The following HMCN1 variants were observed in gnomAD, a reference collection of about 807,000 sequenced individuals.
The protein encoded by HMCN1 is hemicentin 1, also known as hemicentin-1.
In HMCN1, 321 loss-of-function variants were observed where a neutral mutation model predicts 625.9. That is an observed-to-expected ratio of 0.51 (90% CI 0.47 to 0.56). The LOEUF (loss-of-function observed/expected upper bound fraction) is 0.56, where lower values mean the gene tolerates loss of function less well. Among genes scored for constraint, HMCN1 ranks in the 20% least tolerant of loss-of-function variants. The probability of loss-of-function intolerance (pLI) is 0.00; values close to 1 mark genes in which losing one functional copy is unlikely to be tolerated. For synonymous variants in HMCN1, 2,425 were observed against 2,417.6 expected (o/e 1.00, Z -0.09); for missense variants, 6,588 against 6,887.3 (o/e 0.96, Z 1.54).
In HMCN1 at chr1:186,190,333, G is replaced by T; in HGVS notation, c.*455G>T. On this transcript the variant is annotated 3_prime_UTR_variant, in exon 107 of 107. Coordinates refer to ENST00000271588, the MANE Select transcript of HMCN1 (RefSeq NM_031935.3). ...GATCAAAGCTTATAAAATAACTTAC[G>T]GAGATTTTTGTAAGTATTGATACAT... The T allele has an allele frequency of 4.7e-6, 1 of 213,452 alleles. No homozygotes were observed. The highest frequency in any genetic ancestry group is 2.3e-5 in the African/African-American group (1 of 43,544). The allele number at this position is 213,452 out of a possible 1,614,324, so 13.2% of individuals were successfully genotyped here.
chr1:185,882,094 C>T (rs887506881), intron 4 of HMCN1, among the ~76,000 whole-genome samples: 1 of 152,104 alleles, frequency 6.6e-6, no homozygotes, highest in Non-Finnish European at 1.5e-5. Flanking sequence ...GAAGATCTAT[C>T]AGAGTTAATG....
chr1:186,035,958 T>G (rs1034312379), intron 36 of HMCN1, among the ~76,000 whole-genome samples: 2 of 152,194 alleles, frequency 1.3e-5, no homozygotes, highest in Non-Finnish European at 2.9e-5. Context: ...GGAGGACATA[T>G]TAAAATATGC....
chr1:186,177,954 A>G (rs528929685), intron 103 of HMCN1, among the ~76,000 whole-genome samples: 1 of 152,296 alleles, frequency 6.6e-6, no homozygotes, highest in Admixed American at 6.5e-5. Context: ...TTGAACTAAG[A>G]AAGCTTAGTG....
At chr1:186,174,451 T>TC in intron 102 of HMCN1, 63 bp from the exon 103 acceptor site, 1 of 1,595,360 alleles carries the variant, frequency 6.3e-7, no homozygotes, top group Non-Finnish European at 8.6e-7. Context: ...ATGCTGACTT[T>TC]AAATACAATG....
chr1:185,955,135 C>G (rs112652359), intron 11 of HMCN1, among the ~76,000 whole-genome samples: 7 of 152,256 alleles, frequency 4.6e-5, no homozygotes, highest in Non-Finnish European at 8.8e-5. Flanking sequence ...TTAGAATCCT[C>G]TTTTTATGGA....
At chr1:185,762,645 G>T (rs1427266340) in intron 1 of HMCN1, among the ~76,000 whole-genome samples, 1 of 152,130 alleles carries the variant, frequency 6.6e-6, no homozygotes, top group African/African-American at 2.4e-5. Context: ...TAGGATAGAT[G>T]AATTTCAGCA....
chr1:185,918,912 G>A (rs1280441386), intron 6 of HMCN1, among the ~76,000 whole-genome samples: 1 of 152,012 alleles, frequency 6.6e-6, no homozygotes, highest in Non-Finnish European at 1.5e-5. Flanking sequence ...TGAGGTTAGG[G>A]TAACTCTGCA....
In HMCN1 at chr1:185,911,712, T is replaced by G; in HGVS notation, c.832T>G (p.Leu278Val). The G allele has an allele frequency of 6.2e-7, 1 of 1,613,582 alleles. No individual in the cohort carries two copies. The highest frequency in any genetic ancestry group is 8.5e-7 in the Non-Finnish European group (1 of 1,179,590). The change falls in exon 6 of 107, where the codon TTA becomes GTA. Residue 278 changes from leucine (L) to valine (V), a missense_variant. Physicochemically the swap from Leu to Val is conservative, Grantham distance 32. Coordinates refer to ENST00000271588, the MANE Select transcript of HMCN1 (RefSeq NM_031935.3). Reference protein sequence around the residue: ...IKKGFGLHELLNIHNSAKVVN... With the variant: ...IKKGFGLHELVNIHNSAKVVN... ...AAAGGGATTTGGCCTGCATGAGCTATTAAATATCCATAACTCTGCCAAAGT... is the reference window on the plus strand; with the variant it reads ...AAAGGGATTTGGCCTGCATGAGCTAGTAAATATCCATAACTCTGCCAAAGT...
Position 186,117,447 on chromosome 1 carries a change from TTG to T in HMCN1, c.11684-10_11684-9del. 6.2e-7 allele frequency: 1 copy of T among 1,613,180 alleles called. No individual in the cohort carries two copies. Among genetic ancestry groups the T allele is most frequent in the African/African-American group, 1.3e-5 (1 of 75,016 alleles). On this transcript the variant is annotated splice_polypyrimidine_tract_variant and intron_variant, in intron 76 of 106. Transcript: ENST00000271588. ...GTAGTTTTTTCCCTTTTTGTTGTTG[TTG>T]TTGTTTTAGTTCCACCTTCCATAGC...
At chr1:186,076,660 C>T (rs768693765) in intron 54 of HMCN1, 38 bp downstream of exon 54, 1 of 1,580,740 alleles carries the variant, frequency 6.3e-7, no homozygotes, top group Admixed American at 1.7e-5. Context: ...AGCTGACTCT[C>T]TGCCAAATGT....
intron 4 of HMCN1, among the ~76,000 whole-genome samples, chr1:185,903,010 G>A (rs1665902460): frequency 6.6e-6 from 1 of 151,268 alleles, no homozygotes; most frequent in African/African-American, 2.4e-5. Flanking sequence ...GATTCAGTGA[G>A]AGACATGAAT....
chr1:185,773,973 A>G (rs1297746326), intron 1 of HMCN1, among the ~76,000 whole-genome samples: 1 of 152,116 alleles, frequency 6.6e-6, no homozygotes, highest in Non-Finnish European at 1.5e-5. Flanking sequence ...GTAATGAAAG[A>G]CTTGTTAAAA....
Position 186,175,640 on chromosome 1 carries a change from A to T in HMCN1, c.15943+998A>T, listed in dbSNP as rs115923131. Among the ~76,000 whole-genome samples, 1,298 of 152,256 alleles carry T rather than the reference A, an allele frequency of 8.5e-3. 24 individuals are homozygous for T. The highest frequency in any genetic ancestry group is 0.028 in the African/African-American group (1,178 of 41,542). ...TTTTCAGAATGAAATAGTTGTATTT[A>T]TTCACCAATTTGGCCACCAGCTGGA... On this transcript the variant is annotated intron_variant, in intron 103 of 106. Coordinates refer to ENST00000271588, the MANE Select transcript of HMCN1 (RefSeq NM_031935.3).
rs766449783 is a variant in HMCN1 at position 186,007,172 on chromosome 1, G to A, written c.4520G>A (p.Gly1507Glu). The A allele has an allele frequency of 8.1e-6, 13 of 1,613,154 alleles. No homozygotes were observed. The highest frequency in any genetic ancestry group is 1.0e-5 in the Non-Finnish European group (12 of 1,179,290). Reference sequence around the variant, plus strand: ...CCTAATGTTGAACTTCTAGACAGAGGACAAGTCTTACATTTAAAGAATGCA... The same window carrying A: ...CCTAATGTTGAACTTCTAGACAGAGAACAAGTCTTACATTTAAAGAATGCA... The part of the protein sequence containing the change: ...GDPNVELLDR[G>E]QVLHLKNARR... The change falls in exon 30 of 107, where the codon GGA becomes GAA. Residue 1507 changes from glycine (G) to glutamate (E), a missense_variant. Physicochemically the swap from Gly to Glu is moderately conservative, Grantham distance 98. Coordinates refer to ENST00000271588, the MANE Select transcript of HMCN1 (RefSeq NM_031935.3).
chr1:186,062,072 C>T, intron 47 of HMCN1, 108 bp downstream of exon 47: 1 of 680,766 alleles, frequency 1.5e-6, no homozygotes, highest in Admixed American at 2.5e-5. Flanking sequence ...TTATTTAGAC[C>T]CTGGACTGTG....
At chr1:185,780,190 T>C (rs1005397037) in intron 1 of HMCN1, among the ~76,000 whole-genome samples, 21 of 152,344 alleles carry the variant, frequency 1.4e-4, no homozygotes, top group African/African-American at 4.8e-4. Flanking sequence ...TTTTTGTGCA[T>C]TGATTTTGTA....
At chr1:186,063,066 G>GTGTGTATATATATA (rs1491400415) in intron 48 of HMCN1, among the ~76,000 whole-genome samples, 6 of 29,926 alleles carry the variant, frequency 2.0e-4, no homozygotes, top group African/African-American at 3.6e-4. Flanking sequence ...GTGTGTGTGT[G>GTGTGTATATATATA]CATATATATA....
intron 46 of HMCN1, among the ~76,000 whole-genome samples, chr1:186,061,313 T>C (rs1260257770): frequency 6.6e-6 from 1 of 151,860 alleles, no homozygotes; most frequent in Non-Finnish European, 1.5e-5. Context: ...GAAGAGAGAG[T>C]ATGTGAAGGA....
intron 52 of HMCN1, among the ~76,000 whole-genome samples, chr1:186,072,580 A>G (rs1658542374): frequency 2.0e-5 from 3 of 152,208 alleles, no homozygotes; most frequent in Non-Finnish European, 4.4e-5. Context: ...GAGAAAACTC[A>G]ATATGAGAGA....
Sources: allele counts gnomAD v4.1 joint callset (sites outside exome capture counted in the v4.1 genomes callset), GRCh38; gene constraint gnomAD v4.1.1; transcripts MANE v1.5; gene names NCBI Gene and HGNC (gene_info 2026-07-23, HGNC 2026-07-21).